Variants in CYP3A7 observed in about 807,000 individuals in gnomAD.
CYP3A7 encodes cytochrome P450 family 3 subfamily A member 7.
In CYP3A7, 45 loss-of-function variants were observed where a neutral mutation model predicts 55.2. That is an observed-to-expected ratio of 0.82 (90% CI 0.64 to 1.05). CYP3A7 has a LOEUF of 1.05. CYP3A7 is among the 50% of genes least tolerant of loss of function. CYP3A7 has a pLI of 0.00. For missense variants in CYP3A7, 548 were observed against 605.3 expected (o/e 0.91, Z 0.99); for synonymous variants, 180 against 207.4 (o/e 0.87, Z 1.13).
chr7:99,729,697 A>G (rs1164768298), intron 2 of CYP3A7, among the ~76,000 whole-genome samples: 3 of 152,052 alleles, frequency 2.0e-5, no homozygotes, highest in Admixed American at 6.6e-5. Context: ...TTCTCTGCAC[A>G]ATGAGTCTTA....
intron 2 of CYP3A7, chr7:99,730,653 A>C (rs1436572655): frequency 5.0e-6 from 1 of 200,000 alleles, no homozygotes; most frequent in African/African-American, 2.3e-5. Context: ...CTTGCTACAG[A>C]GAGGAAAGTT....
chr7:99,731,255 TA>T, intron 1 of CYP3A7, 103 bp from the exon 2 acceptor site: 1 of 1,329,454 alleles, frequency 7.5e-7, no homozygotes. Context: ...GCAAAGGAGG[TA>T]ACATTAAGGC....
intron 10 of CYP3A7, among the ~76,000 whole-genome samples, chr7:99,710,320 G>A (rs1377448980): frequency 6.6e-6 from 1 of 152,198 alleles, no homozygotes; most frequent in African/African-American, 2.4e-5. Flanking sequence ...TGAGACACAT[G>A]TGGGGCAGAG....
At position 99,714,689 on chromosome 7, in the gene CYP3A7, A is replaced by G. The variant is rs1015084840; in HGVS notation, c.671-7T>C. The G allele has an allele frequency of 1.2e-5, 18 of 1,548,812 alleles. No individual in the cohort carries two copies. Among genetic ancestry groups the G allele is most frequent in the African/African-American group, 2.8e-5 (2 of 72,356 alleles). On this transcript the variant is annotated splice_region_variant and splice_polypyrimidine_tract_variant and intron_variant, in intron 7 of 12. Coordinates refer to ENST00000336374, the MANE Select transcript of CYP3A7 (RefSeq NM_000765.5). ...GTAAGGAATGGAAAGACTTCTGTAG[A>G]AAAAAAAAACCAACAGAAAACGAAA... is the stretch of plus-strand genomic sequence containing the variant.
intron 1 of CYP3A7, among the ~76,000 whole-genome samples, chr7:99,734,209 T>A (rs1281401945): frequency 6.6e-6 from 1 of 152,188 alleles, no homozygotes; most frequent in Non-Finnish European, 1.5e-5. Flanking sequence ...AGGTTTGTAT[T>A]TTCTGTTTCC....
At chr7:99,717,070 T>C in intron 6 of CYP3A7, 107 bp downstream of exon 6, 1 of 1,433,514 alleles carries the variant, frequency 7.0e-7, no homozygotes, top group Non-Finnish European at 9.8e-7. Context: ...ACAGCCCTCC[T>C]TTTGTCTGGT....
At position 99,709,598 on chromosome 7, in the gene CYP3A7, A is replaced by C. The variant is rs147358224; in HGVS notation, c.1027-337T>G. On this transcript the variant is annotated intron_variant, in intron 10 of 12. Transcript: ENST00000336374. ...CACTAGCATCAAATAAAATATGACA[A>C]AGTGATTGTCACCATTCAAAAAAGA... Among the ~76,000 whole-genome samples, 726 of 152,290 alleles carry C rather than the reference A, an allele frequency of 4.8e-3. 2 individuals are homozygous for C. The highest frequency in any genetic ancestry group is 0.017 in the African/African-American group (693 of 41,560).
chr7:99,721,306 T>TA (rs1321200948), intron 3 of CYP3A7, among the ~76,000 whole-genome samples: 4 of 152,036 alleles, frequency 2.6e-5, no homozygotes, highest in Non-Finnish European at 4.4e-5. Context: ...ATAGAAAGTT[T>TA]AAAAAAAAGA....
chr7:99,721,607 A>AG, intron 3 of CYP3A7, among the ~76,000 whole-genome samples: 2 of 152,234 alleles, frequency 1.3e-5, no homozygotes, highest in Non-Finnish European at 2.9e-5. Context: ...GAAAAGTGGT[A>AG]ACCACAATGG....
At position 99,705,385 on chromosome 7, in the gene CYP3A7, GC is replaced by G; in HGVS notation, c.*114del. ...TACAGAATCCCTGATTATTTATGCA[GC>G]ACATTGGATGAAGCCCGTCTTCATT... On this transcript the variant is annotated 3_prime_UTR_variant, in exon 13 of 13. Transcript: ENST00000336374. The G allele has an allele frequency of 8.6e-7, 1 of 1,164,544 alleles. No homozygotes were observed. The highest frequency in any genetic ancestry group is 1.8e-5 in the Admixed American group (1 of 55,296). The allele number at this position is 1,164,544 out of a possible 1,614,324, so 72.1% of individuals were successfully genotyped here.
chr7:99,711,260 G>T (rs1299783695), intron 9 of CYP3A7, among the ~76,000 whole-genome samples: 4 of 152,168 alleles, frequency 2.6e-5, no homozygotes, highest in Non-Finnish European at 4.4e-5. Flanking sequence ...ATATGGGGTA[G>T]TCTTCTCTCC....
At chr7:99,730,875 G>A (rs1366580216) in intron 2 of CYP3A7, 184 bp downstream of exon 2, 1 of 706,538 alleles carries the variant, frequency 1.4e-6, no homozygotes, top group African/African-American at 1.8e-5. Context: ...GCAAACTTGA[G>A]GTTCCTGAGA....
chr7:99,708,005 T>G lies in CYP3A7; in HGVS notation c.1254-31A>C, dbSNP rs1445157977. 3.7e-6 allele frequency: 6 copies of G among 1,613,410 alleles called. 1 individual carries two copies. In the South Asian group the frequency reaches 6.6e-5, roughly 18 times the overall value. On this transcript the variant is annotated intron_variant, in intron 11 of 12. Transcript: ENST00000336374. ...TCCATATTGGTAGATATTTTAAAAG[T>G]TAAAGACATAATACCTCTAAGAGTT...
chr7:99,728,139 C>T (rs1402353452), intron 2 of CYP3A7, among the ~76,000 whole-genome samples: 1 of 152,196 alleles, frequency 6.6e-6, no homozygotes, highest in Non-Finnish European at 1.5e-5. Context: ...AATCCCTCCC[C>T]ACTCAAGGAA....
intron 2 of CYP3A7, among the ~76,000 whole-genome samples, chr7:99,723,710 C>T (rs776239959): frequency 6.6e-6 from 1 of 152,174 alleles, no homozygotes; most frequent in African/African-American, 2.4e-5. Flanking sequence ...AATTTTAAAT[C>T]GGGTAAGCGG....
At chr7:99,719,261 A>G (rs1470727136) in intron 4 of CYP3A7, among the ~76,000 whole-genome samples, 1 of 152,212 alleles carries the variant, frequency 6.6e-6, no homozygotes, top group Non-Finnish European at 1.5e-5. Context: ...GAGTTACTGT[A>G]CAGGTATTAG....
intron 3 of CYP3A7, chr7:99,720,630 C>T (rs1202456210): frequency 6.1e-6 from 3 of 495,432 alleles, no homozygotes; most frequent in South Asian, 2.6e-5. Flanking sequence ...GTGGGCCAAA[C>T]AGGGAAGAGA....
rs1381617153 is a variant in CYP3A7 at position 99,705,353 on chromosome 7, A to G, written c.*147T>C. The G allele has an allele frequency of 1.1e-5, 10 of 873,128 alleles. No individual in the cohort carries two copies. Among genetic ancestry groups the G allele is most frequent in the Middle Eastern group, 2.2e-4 (1 of 4,470 alleles). The allele number at this position is 873,128 out of a possible 1,614,324, so 54.1% of individuals were successfully genotyped here. On this transcript the variant is annotated 3_prime_UTR_variant, in exon 13 of 13. Transcript: ENST00000336374. ...TCTATACAGACCATGAGAGAGCACA[A>G]TGCACGTACAGAATCCCTGATTATT... is the stretch of plus-strand genomic sequence containing the variant.
chr7:99,710,784 G>A lies in CYP3A7; in HGVS notation c.974C>T (p.Pro325Leu). 1.2e-6 allele frequency: 2 copies of A among 1,613,906 alleles called. No individual in the cohort carries two copies. Among genetic ancestry groups the A allele is most frequent in the Non-Finnish European group, 1.7e-6 (2 of 1,179,886 alleles). Residue 325 changes from proline to leucine, a missense_variant, in exon 10 of 13, where the codon CCT (proline) becomes CTT (leucine). Transcript: ENST00000336374. ...SFIIYELATH[P>L]DVQQKVQKEI... ...CTTCTGCACTTTCTGCTGGACATCA[G>A]GGTGAGTGGCCAGTTCATATATAAT...
Sources: gnomAD v4.1 joint callset for allele counts (sites outside exome capture counted in the v4.1 genomes callset) on GRCh38, gnomAD v4.1.1 for gene constraint, MANE v1.5 for transcripts, NCBI Gene and HGNC (gene_info 2026-07-23, HGNC 2026-07-21) for gene names.